Variants in CTNNA3 observed in about 807,000 individuals in gnomAD.
CTNNA3 encodes catenin alpha 3.
CTNNA3 carries 76 observed loss-of-function variants against 95.7 expected under a neutral mutation model. That is an observed-to-expected ratio of 0.79 (90% CI 0.66 to 0.96). The LOEUF (loss-of-function observed/expected upper bound fraction) is 0.96. Ranked by LOEUF, CTNNA3 falls within the 40% of genes least tolerant of loss-of-function variation. The probability of loss-of-function intolerance (pLI) is 0.00; values close to 1 mark genes in which losing one functional copy is unlikely to be tolerated. For missense variants in CTNNA3, 1,191 were observed against 1,089.8 expected (o/e 1.09, Z -1.31); for synonymous variants, 431 against 374.4 (o/e 1.15, Z -1.74).
chr10:66,858,989 T>A (rs1267756622), intron 7 of CTNNA3, among the ~76,000 whole-genome samples: 2 of 152,084 alleles, frequency 1.3e-5, no homozygotes, highest in Admixed American at 6.6e-5. Flanking sequence ...TATATAGAGA[T>A]CTTTTAAAAA....
chr10:66,227,366 T>C (rs1233427489), intron 13 of CTNNA3, among the ~76,000 whole-genome samples: 1 of 101,716 alleles, frequency 9.8e-6, no homozygotes, highest in Non-Finnish European at 2.0e-5. Flanking sequence ...ACTTAATTTG[T>C]TAAGAGGTGT....
At position 67,616,193 on chromosome 10, in the gene CTNNA3, G is replaced by A. The variant is rs193235481; in HGVS notation, c.100-9144C>T. Reference sequence around the variant, plus strand: ...CAAGAGCTTGACTGTTGTATTCCAGGAGCAATAGGAAGGCTGGTATGGAGG... The same window carrying A: ...CAAGAGCTTGACTGTTGTATTCCAGAAGCAATAGGAAGGCTGGTATGGAGG... On this transcript the variant is annotated intron_variant, in intron 2 of 17. Coordinates refer to ENST00000433211, the MANE Select transcript of CTNNA3 (RefSeq NM_013266.4). Among the ~76,000 whole-genome samples the A allele has an allele frequency of 1.4e-4, 21 of 152,242 alleles. No homozygotes were observed. In the East Asian group the frequency reaches 3.3e-3, roughly 24 times the overall value.
At chr10:67,005,682 C>T (rs1223786553) in intron 7 of CTNNA3, among the ~76,000 whole-genome samples, 96 of 61,966 alleles carry the variant, frequency 1.5e-3, no homozygotes, top group South Asian at 3.0e-3. Context: ...TTTACTCCAT[C>T]TTTTTTTTTT....
At chr10:67,716,200 C>A (rs1417605476) in intron 1 of CTNNA3, among the ~76,000 whole-genome samples, 1 of 152,000 alleles carries the variant, frequency 6.6e-6, no homozygotes, top group Non-Finnish European at 1.5e-5. Flanking sequence ...TATGCAACAG[C>A]AAATAAATAT....
chr10:66,486,015 G>A (rs1184634375), intron 11 of CTNNA3, among the ~76,000 whole-genome samples: 1 of 152,154 alleles, frequency 6.6e-6, no homozygotes, highest in Non-Finnish European at 1.5e-5. Flanking sequence ...TGATAAAACT[G>A]CAGAAGAATA....
intron 5 of CTNNA3, among the ~76,000 whole-genome samples, chr10:67,386,255 T>C (rs780612079): frequency 2.5e-4 from 38 of 151,756 alleles, no homozygotes; most frequent in Non-Finnish European, 4.9e-4. Context: ...GCATAAGGAG[T>C]TCTTACTTTT....
intron 11 of CTNNA3, among the ~76,000 whole-genome samples, chr10:66,463,209 G>C (rs1389424364): frequency 6.6e-6 from 1 of 152,100 alleles, no homozygotes; most frequent in Non-Finnish European, 1.5e-5. Context: ...TGAGTCATGG[G>C]GGCAGAACCT....
At chr10:66,880,723 T>C (rs1412011964) in intron 7 of CTNNA3, among the ~76,000 whole-genome samples, 1 of 152,110 alleles carries the variant, frequency 6.6e-6, no homozygotes, top group Non-Finnish European at 1.5e-5. Flanking sequence ...ACTGTGGGTT[T>C]TTTAATCATA....
At chr10:66,168,322 T>C (rs2085244133) in intron 13 of CTNNA3, among the ~76,000 whole-genome samples, 1 of 151,630 alleles carries the variant, frequency 6.6e-6, no homozygotes, top group Admixed American at 6.6e-5. Flanking sequence ...CACTGAATTA[T>C]CCGTCCACTC....
chr10:66,343,141 A>G (rs1451905839), intron 12 of CTNNA3, among the ~76,000 whole-genome samples: 2 of 152,170 alleles, frequency 1.3e-5, no homozygotes, highest in East Asian at 3.9e-4. Flanking sequence ...GTAAACTAGT[A>G]CAGCCACTAT....
chr10:66,155,009 T>C (rs10996935), intron 13 of CTNNA3, among the ~76,000 whole-genome samples: 26,435 of 151,424 alleles, frequency 0.17, 2,758 homozygotes, highest in South Asian at 0.4. Flanking sequence ...AACTTTACCA[T>C]TGTAGCACAA....
intron 7 of CTNNA3, among the ~76,000 whole-genome samples, chr10:67,149,651 T>G (rs1415777140): frequency 2.0e-5 from 3 of 152,168 alleles, no homozygotes; most frequent in African/African-American, 4.8e-5. Flanking sequence ...GTTGATTTCC[T>G]GATTTGCATG....
intron 9 of CTNNA3, among the ~76,000 whole-genome samples, chr10:66,716,237 A>G (rs112583748): frequency 1.6e-4 from 25 of 152,268 alleles, no homozygotes; most frequent in Admixed American, 1.4e-3. Context: ...AAATCTACCA[A>G]TGAAACATGA....
At chr10:67,348,779 C>A (rs1435798897) in intron 5 of CTNNA3, among the ~76,000 whole-genome samples, 2 of 152,068 alleles carry the variant, frequency 1.3e-5, no homozygotes, top group East Asian at 1.9e-4. Context: ...CACATTTCAA[C>A]GTGAGATTTG....
intron 5 of CTNNA3, among the ~76,000 whole-genome samples, chr10:67,251,672 G>A (rs1346269617): frequency 6.6e-6 from 1 of 152,132 alleles, no homozygotes; most frequent in Non-Finnish European, 1.5e-5. Flanking sequence ...TTGGAAAACT[G>A]CTGGTTTAAA....
chr10:67,094,670 T>C lies in CTNNA3; in HGVS notation c.1047+85647A>G. ...ACATCTGTATACAATACTTATAAATTAAAAATTGAGGAAGAAATGACTTAA... is the reference window on the plus strand; with the variant it reads ...ACATCTGTATACAATACTTATAAATCAAAAATTGAGGAAGAAATGACTTAA... On this transcript the variant is annotated intron_variant, in intron 7 of 17. Coordinates refer to ENST00000433211, the MANE Select transcript of CTNNA3 (RefSeq NM_013266.4). Among the ~76,000 whole-genome samples the C allele has an allele frequency of 2.0e-5, 3 of 151,868 alleles. No homozygotes were observed. The South Asian group carries it at 6.2e-4, about 31-fold the overall frequency.
chr10:67,132,717 C>T (rs540235673), intron 7 of CTNNA3, among the ~76,000 whole-genome samples: 1 of 152,078 alleles, frequency 6.6e-6, no homozygotes, highest in East Asian at 1.9e-4. Flanking sequence ...CGTATATATA[C>T]ACAATGGAAT....
In CTNNA3 at chr10:67,743,634, G is replaced by T. The variant is rs539152849; in HGVS notation, c.-2+19800C>A. On this transcript the variant is annotated intron_variant, in intron 1 of 17. Transcript: ENST00000684154. ...TCTCACTACTCCTATTCAACATAGT[G>T]TTGAAAGTTCAGGCCAGGGCAATCA... Among the ~76,000 whole-genome samples the T allele has an allele frequency of 1.3e-4, 19 of 151,364 alleles. No homozygotes were observed. The East Asian group carries it at 3.7e-3, about 29-fold the overall frequency.
At chr10:66,815,422 A>T (rs1842038055) in intron 7 of CTNNA3, among the ~76,000 whole-genome samples, 1 of 152,178 alleles carries the variant, frequency 6.6e-6, no homozygotes, top group South Asian at 2.1e-4. Flanking sequence ...GGATGGGGCT[A>T]AAGTTCCCTC....
Sources: allele counts gnomAD v4.1 joint callset (sites outside exome capture counted in the v4.1 genomes callset), GRCh38; gene constraint gnomAD v4.1.1; transcripts MANE v1.5; gene names NCBI Gene and HGNC (gene_info 2026-07-23, HGNC 2026-07-21).